The following TAFA2 variants were observed in gnomAD, a reference collection of about 807,000 sequenced individuals.
TAFA2 encodes chemokine-like protein TAFA-2.
A neutral mutation model predicts 18.8 loss-of-function variants in TAFA2; 7 were observed. The observed-to-expected ratio is 0.37, with a 90% CI of 0.21 to 0.70. The LOEUF (loss-of-function observed/expected upper bound fraction) is 0.70, where lower values mean the gene tolerates loss of function less well. TAFA2 is among the 30% of genes least tolerant of loss of function. TAFA2 has a pLI of 0.53. For synonymous variants in TAFA2, 60 were observed against 54.2 expected (o/e 1.11, Z -0.47); for missense variants, 122 against 158.1 (o/e 0.77, Z 1.23).
At chr12:62,106,820 TG>T (rs1352317478) in intron 1 of TAFA2, among the ~76,000 whole-genome samples, 1 of 152,160 alleles carries the variant, frequency 6.6e-6, no homozygotes. Flanking sequence ...CAGCAGCAAT[TG>T]AAAGACTTGT....
chr12:61,956,553 T>G (rs557884073), intron 1 of TAFA2, among the ~76,000 whole-genome samples: 1 of 151,984 alleles, frequency 6.6e-6, no homozygotes, highest in South Asian at 2.1e-4. Flanking sequence ...AAATCTGAAG[T>G]TTTGTTTTCA....
rs560924647 is a variant in TAFA2 at position 61,768,275 on chromosome 12, CAA to C, written c.107-13253_107-13252del. 5.9e-5 allele frequency among the ~76,000 whole-genome samples: 9 copies of C among 152,152 alleles called. No individual in the cohort carries two copies. The East Asian group carries it at 1.7e-3, about 29-fold the overall frequency. On this transcript the variant is annotated intron_variant, in intron 2 of 4. Transcript: ENST00000416284. ...AGTAAAATTGGAAATTTCTGCTCTG[CAA>C]AAGACACTGTCAGTCAAAAAAAATG...
chr12:61,836,083 C>T (rs762277637), intron 2 of TAFA2, among the ~76,000 whole-genome samples: 1 of 151,914 alleles, frequency 6.6e-6, no homozygotes, highest in African/African-American at 2.4e-5. Flanking sequence ...ACACCACATA[C>T]TCTTGGTTGG....
chr12:62,246,084 T>C (rs1445062037), intron 1 of TAFA2, among the ~76,000 whole-genome samples: 3 of 152,058 alleles, frequency 2.0e-5, no homozygotes, highest in Non-Finnish European at 4.4e-5. Flanking sequence ...CCTCCCAGGT[T>C]CACACCATTC....
intron 3 of TAFA2, 54 bp from the exon 4 acceptor site, chr12:61,753,800 C>T: frequency 3.3e-6 from 5 of 1,534,068 alleles, no homozygotes; most frequent in Non-Finnish European, 4.4e-6. Context: ...ACTTATTTCT[C>T]TTGTTCACCT....
intron 1 of TAFA2, among the ~76,000 whole-genome samples, chr12:62,111,009 G>A (rs907340313): frequency 5.3e-5 from 8 of 151,708 alleles, no homozygotes; most frequent in African/African-American, 1.9e-4. Flanking sequence ...TCTCATCTTA[G>A]TTATTTGTCT....
chr12:61,754,801 A>T (rs1396249857), intron 3 of TAFA2, 71 bp downstream of exon 3: 1 of 1,506,604 alleles, frequency 6.6e-7, no homozygotes, highest in Admixed American at 1.8e-5. Flanking sequence ...CATTGAGAGC[A>T]TTATAGTGGG....
At chr12:62,060,103 C>A (rs1052500260) in intron 1 of TAFA2, among the ~76,000 whole-genome samples, 15 of 152,132 alleles carry the variant, frequency 9.9e-5, no homozygotes, top group African/African-American at 3.4e-4. Context: ...GGATTTTTAC[C>A]ATTTTACTCC....
intron 2 of TAFA2, among the ~76,000 whole-genome samples, chr12:61,798,154 C>CT (rs933988283): frequency 3.4e-4 from 52 of 151,720 alleles, no homozygotes; most frequent in African/African-American, 9.2e-4. Context: ...TTTTATTATT[C>CT]TTTTTTTTGG....
chr12:62,211,441 G>T (rs899446021), intron 1 of TAFA2, among the ~76,000 whole-genome samples: 6 of 151,972 alleles, frequency 3.9e-5, no homozygotes, highest in African/African-American at 1.5e-4. Context: ...TTAGCTGGGC[G>T]TGGTGGTGCC....
At chr12:62,092,013 G>A (rs1868733964) in intron 1 of TAFA2, among the ~76,000 whole-genome samples, 1 of 151,896 alleles carries the variant, frequency 6.6e-6, no homozygotes, top group Non-Finnish European at 1.5e-5. Context: ...ATTTTTAAAA[G>A]AATAACTAGT....
intron 1 of TAFA2, among the ~76,000 whole-genome samples, chr12:62,177,088 A>G (rs373888991): frequency 1.4e-4 from 21 of 152,370 alleles, no homozygotes; most frequent in African/African-American, 4.6e-4. Flanking sequence ...GTCAGGTTTT[A>G]AATTCTTTTA....
intron 2 of TAFA2, among the ~76,000 whole-genome samples, chr12:61,857,740 C>A (rs1000403390): frequency 3.9e-5 from 6 of 152,054 alleles, no homozygotes; most frequent in African/African-American, 1.4e-4. Context: ...GGTGTCAGAC[C>A]CTCATAGTCT....
chr12:61,749,993 C>CCCCCCCCCA (rs1555161293), intron 4 of TAFA2, among the ~76,000 whole-genome samples: 10 of 148,774 alleles, frequency 6.7e-5, no homozygotes, highest in African/African-American at 2.5e-4. Flanking sequence ...TCAAAACACC[C>CCCCCCCCCA]CACACACACA....
intron 2 of TAFA2, among the ~76,000 whole-genome samples, chr12:61,835,677 G>T (rs146888259): frequency 6.6e-6 from 1 of 151,996 alleles, no homozygotes; most frequent in East Asian, 1.9e-4. Flanking sequence ...TTTTTAAACT[G>T]TCATAAAGAA....
At chr12:62,212,920 T>C (rs953755378) in intron 1 of TAFA2, among the ~76,000 whole-genome samples, 3 of 152,208 alleles carry the variant, frequency 2.0e-5, no homozygotes, top group African/African-American at 7.2e-5. Context: ...ATTAAAACTT[T>C]TAATATTAGA....
intron 4 of TAFA2, among the ~76,000 whole-genome samples, chr12:61,735,680 T>C (rs1247981416): frequency 6.6e-6 from 1 of 151,472 alleles, no homozygotes; most frequent in Non-Finnish European, 1.5e-5. Flanking sequence ...TATTAGTCCA[T>C]TTTTTTTAGT....
chr12:62,258,263 C>G (rs2062949991), intron 1 of TAFA2: 1 of 152,158 alleles, frequency 6.6e-6, no homozygotes, highest in Admixed American at 6.5e-5. Flanking sequence ...CTTAGGTCTA[C>G]AAAACGGCTC....
At chr12:62,052,386 C>G (rs1485862207) in intron 1 of TAFA2, among the ~76,000 whole-genome samples, 1 of 152,054 alleles carries the variant, frequency 6.6e-6, no homozygotes, top group Non-Finnish European at 1.5e-5. Context: ...CAGATGGAGT[C>G]TCACTATGTT....
Sources: allele counts gnomAD v4.1 joint callset (sites outside exome capture counted in the v4.1 genomes callset), GRCh38; gene constraint gnomAD v4.1.1; transcripts MANE v1.5; gene names NCBI Gene and HGNC (gene_info 2026-07-23, HGNC 2026-07-21).